The following EIF3H variants were observed in gnomAD, a reference collection of about 807,000 sequenced individuals.
EIF3H encodes the protein eIF-3-gamma.
In EIF3H, 26 loss-of-function variants were observed where a neutral mutation model predicts 44.2. The observed-to-expected ratio is 0.59, with a 90% CI of 0.43 to 0.82. EIF3H has a LOEUF of 0.82. EIF3H is among the 40% of genes least tolerant of loss of function. The pLI, the probability that EIF3H is intolerant of heterozygous loss-of-function variation, is 0.00. For synonymous variants in EIF3H, 166 were observed against 151.9 expected (o/e 1.09, Z -0.68); for missense variants, 359 against 432.8 (o/e 0.83, Z 1.51).
At position 116,726,153 on chromosome 8, in the gene EIF3H, T is replaced by C. The variant is rs574638044; in HGVS notation, c.152A>G (p.Lys51Arg). ...IDGLVVLKII[K>R]HYQEEGQGTE... is the part of the protein sequence containing the mutation. ...TCCTTGTCCTTCTTCTTGATAATGT[T>C]TGATTATCTTTAATACCACCTAAAA... is the stretch of plus-strand genomic sequence containing the variant. Residue 51 changes from lysine (K) to arginine (R), a missense_variant, in exon 2 of 8, where the codon AAA becomes AGA. By Grantham distance (26) the Lys-to-Arg change is conservative (BLOSUM62 2). Transcript: ENST00000521861. 1.8e-5 allele frequency: 29 copies of C among 1,613,928 alleles called. No individual in the cohort carries two copies. In the Admixed American group the frequency reaches 3.2e-4, roughly 18 times the overall value.
chr8:116,754,787 C>T (rs1815413248), intron 1 of EIF3H, among the ~76,000 whole-genome samples: 1 of 152,214 alleles, frequency 6.6e-6, no homozygotes, highest in South Asian at 2.1e-4. Flanking sequence ...TTATATGCTG[C>T]GTTTAAATTA....
At chr8:116,757,454 C>T (rs562565086), upstream of EIF3H, among the ~76,000 whole-genome samples, 17 of 152,236 alleles carry the variant, frequency 1.1e-4, no homozygotes, top group Admixed American at 2.0e-4. Context: ...ATTTTTCTAC[C>T]CCTTTTCAAC....
intron 1 of EIF3H, among the ~76,000 whole-genome samples, chr8:116,752,756 G>A (rs868152455): frequency 0.041 from 532 of 12,882 alleles, 22 homozygotes; most frequent in East Asian, 0.21. Context: ...AAAGAAAGAG[G>A]GAGGGAGGGA....
intron 2 of EIF3H, among the ~76,000 whole-genome samples, chr8:116,687,245 G>A (rs1448261418): frequency 6.6e-6 from 1 of 152,132 alleles, no homozygotes; most frequent in Admixed American, 6.6e-5. Context: ...TTTAAAAGGG[G>A]CTCATGGAAA....
At chr8:116,685,020 G>A (rs1237903413) in intron 2 of EIF3H, among the ~76,000 whole-genome samples, 1 of 152,148 alleles carries the variant, frequency 6.6e-6, no homozygotes, top group Non-Finnish European at 1.5e-5. Context: ...TTCATACAGA[G>A]TATAGATGCA....
chr8:116,680,745 A>C (rs1813970564), intron 2 of EIF3H, among the ~76,000 whole-genome samples: 1 of 146,080 alleles, frequency 6.8e-6, no homozygotes, highest in African/African-American at 2.5e-5. Flanking sequence ...TCACTTGTTT[A>C]TCTACTGACC....
intron 5 of EIF3H, among the ~76,000 whole-genome samples, chr8:116,649,414 G>A (rs979985771): frequency 2.0e-5 from 3 of 152,058 alleles, no homozygotes; most frequent in Admixed American, 6.6e-5. Context: ...ATGATGAAGA[G>A]GCTCCTTTCC....
At chr8:116,657,655 T>C (rs145623959) in intron 3 of EIF3H, 2,472 of 223,330 alleles carry the variant, frequency 0.011, 26 homozygotes, top group Non-Finnish European at 0.015. Context: ...AATTAGGAAA[T>C]CACTGATAAA....
At chr8:116,691,865 G>T (rs1442871032) in intron 2 of EIF3H, among the ~76,000 whole-genome samples, 5 of 65,064 alleles carry the variant, frequency 7.7e-5, no homozygotes, top group Admixed American at 1.7e-4. Context: ...GAGAAAGACT[G>T]TCTCAAAAAA....
In EIF3H at chr8:116,655,873, C is replaced by T. The variant is rs761373388; in HGVS notation, c.690G>A (p.Leu230=). 2 of 1,613,708 alleles carry T rather than the reference C, an allele frequency of 1.2e-6. No individual in the cohort carries two copies. Among genetic ancestry groups the T allele is most frequent in the Non-Finnish European group, 1.7e-6 (2 of 1,179,734 alleles). The stretch of plus-strand genomic sequence containing the variant: ...CCACTTACCTGCTGGCAAGGCTGAG[C>T]AATTCATGTTTATCTGCAACAGCTG... ...KKSAVADKHE[L]LSLASSNHLG... Residue 230 remains leucine, a synonymous_variant, in exon 5 of 8, where the codon TTG becomes TTA. Coordinates refer to ENST00000521861, the MANE Select transcript of EIF3H (RefSeq NM_003756.3).
chr8:116,716,349 A>G (rs13264928), intron 2 of EIF3H, among the ~76,000 whole-genome samples: 75,113 of 151,776 alleles, frequency 0.49, 20,515 homozygotes, highest in Non-Finnish European at 0.62. Flanking sequence ...ACAACTTAAT[A>G]TGTGTTTTCT....
chr8:116,731,707 T>C lies in EIF3H; in HGVS notation c.133-5535A>G, dbSNP rs190712404. Among the ~76,000 whole-genome samples, 9 of 152,334 alleles carry C rather than the reference T, an allele frequency of 5.9e-5. No individual in the cohort carries two copies. In the East Asian group the frequency reaches 1.3e-3, roughly 23 times the overall value. On this transcript the variant is annotated intron_variant, in intron 1 of 7. Transcript: ENST00000521861. ...CCAGCAACCCATCTTGAAACATTCA[T>C]GTTTTCTGCAGCACAGTAAGACTTA...
chr8:116,688,127 C>T, intron 2 of EIF3H, among the ~76,000 whole-genome samples: 2 of 152,030 alleles, frequency 1.3e-5, no homozygotes, highest in East Asian at 3.9e-4. Flanking sequence ...CTAAGGGAAA[C>T]ATTCCAAAAA....
At chr8:116,716,066 TATA>T (rs1003081006) in intron 2 of EIF3H, among the ~76,000 whole-genome samples, 3 of 152,052 alleles carry the variant, frequency 2.0e-5, no homozygotes, top group Admixed American at 6.6e-5. Flanking sequence ...ACAGAAAACT[TATA>T]ATAACAGTTT....
chr8:116,728,822 A>G (rs1028010652), intron 1 of EIF3H, among the ~76,000 whole-genome samples: 7 of 152,210 alleles, frequency 4.6e-5, no homozygotes, highest in Non-Finnish European at 1.0e-4. Flanking sequence ...CTCAAGCCTT[A>G]GATTCTAATT....
chr8:116,679,406 G>A (rs1330283777), intron 2 of EIF3H, among the ~76,000 whole-genome samples: 1 of 63,602 alleles, frequency 1.6e-5, no homozygotes, highest in African/African-American at 3.9e-5. Flanking sequence ...CCGGGAGGGA[G>A]GTGGGGGGAT....
intron 5 of EIF3H, among the ~76,000 whole-genome samples, chr8:116,653,784 C>G (rs913260711): frequency 1.1e-4 from 16 of 152,114 alleles, no homozygotes; most frequent in African/African-American, 2.7e-4. Flanking sequence ...ATTACTAGAA[C>G]TTCCATCTAA....
At chr8:116,678,013 C>G (rs1420431172) in intron 2 of EIF3H, among the ~76,000 whole-genome samples, 1 of 152,210 alleles carries the variant, frequency 6.6e-6, no homozygotes, top group Non-Finnish European at 1.5e-5. Context: ...CCCACGGTCT[C>G]CTTCCACGGT....
chr8:116,722,613 AC>A (rs1381869951), intron 2 of EIF3H, among the ~76,000 whole-genome samples: 29 of 152,306 alleles, frequency 1.9e-4, no homozygotes, highest in Admixed American at 9.8e-4. Context: ...TAAATTTCAC[AC>A]AAATAGCAGC....
Sources: gnomAD v4.1 joint callset for allele counts (sites outside exome capture counted in the v4.1 genomes callset) on GRCh38, gnomAD v4.1.1 for gene constraint, MANE v1.5 for transcripts, NCBI Gene and HGNC (gene_info 2026-07-23, HGNC 2026-07-21) for gene names.